The following PRIM2 variants were observed in gnomAD, a reference collection of about 807,000 sequenced individuals.
The protein encoded by PRIM2 is DNA primase subunit 2, also known as DNA primase large subunit.
A neutral mutation model predicts 67.3 loss-of-function variants in PRIM2; 39 were observed. The observed-to-expected ratio is 0.58, with a 90% CI of 0.45 to 0.76. The LOEUF (loss-of-function observed/expected upper bound fraction) is 0.76. Ranked by LOEUF, PRIM2 falls within the 30% of genes least tolerant of loss-of-function variation. The pLI is 0.00. For missense variants in PRIM2, 398 were observed against 598.7 expected, an observed-to-expected ratio of 0.66 and a Z score of 3.50; for synonymous variants, 143 against 198.7, an observed-to-expected ratio of 0.72 and a Z score of 2.36.
chr6:57,359,286 A>G (rs1223567270), intron 5 of PRIM2, among the ~76,000 whole-genome samples: 1 of 152,176 alleles, frequency 6.6e-6, no homozygotes, highest in Non-Finnish European at 1.5e-5. Context: ...CTTGATGGAG[A>G]ATCTGTTCTG....
chr6:57,321,583 C>T (rs926039615), intron 3 of PRIM2, among the ~76,000 whole-genome samples: 5 of 147,630 alleles, frequency 3.4e-5, no homozygotes. Context: ...GGAGCTTTCT[C>T]AGAAGTAGGA....
the PRIM2 span, among the ~76,000 whole-genome samples, chr6:57,233,090 A>G: frequency 6.6e-6 from 1 of 152,264 alleles, no homozygotes; most frequent in East Asian, 1.9e-4. Context: ...TCATGTACCC[A>G]CAGACATGTT....
chr6:57,382,757 T>G (rs1460741840), intron 7 of PRIM2: 1 of 152,192 alleles, frequency 6.6e-6, no homozygotes, highest in African/African-American at 2.4e-5. Context: ...AACACATATT[T>G]TACAGTTGTT....
chr6:57,345,606 G>A (rs1314825882), intron 5 of PRIM2, among the ~76,000 whole-genome samples: 4 of 151,814 alleles, frequency 2.6e-5, no homozygotes, highest in African/African-American at 9.7e-5. Context: ...TTACATTATG[G>A]AATGTAGTTT....
upstream of PRIM2, among the ~76,000 whole-genome samples, chr6:57,315,422 ATTAT>A (rs1767461813): frequency 6.6e-6 from 1 of 152,284 alleles, no homozygotes; most frequent in Middle Eastern, 3.4e-3. Context: ...GAGGGCTATA[ATTAT>A]TTAAAGAACT....
chr6:57,484,523 T>G (rs1317368908), intron 7 of PRIM2, among the ~76,000 whole-genome samples: 1 of 152,228 alleles, frequency 6.6e-6, no homozygotes, highest in East Asian at 1.9e-4. Context: ...TCCAAAAGCA[T>G]GCTCTGGTCC....
chr6:57,428,308 CT>C (rs1192688639), intron 7 of PRIM2, among the ~76,000 whole-genome samples: 1 of 152,278 alleles, frequency 6.6e-6, no homozygotes, highest in Admixed American at 6.5e-5. Context: ...TGCTTTTCCC[CT>C]GACCATCTTA....
intron 7 of PRIM2, chr6:57,390,173 T>G (rs1770284653): frequency 6.5e-6 from 1 of 154,770 alleles, no homozygotes; most frequent in Non-Finnish European, 1.5e-5. Flanking sequence ...TTCTTTACTT[T>G]TAATGGCAAA....
upstream of PRIM2, among the ~76,000 whole-genome samples, chr6:57,310,550 G>C (rs185718093): frequency 2.6e-4 from 40 of 152,358 alleles, no homozygotes; most frequent in East Asian, 7.5e-3. Flanking sequence ...GGCCCGTTCT[G>C]GATGATTGCT....
At chr6:57,540,455 C>T (rs2127471224) in intron 10 of PRIM2, among the ~76,000 whole-genome samples, 1 of 152,280 alleles carries the variant, frequency 6.6e-6, no homozygotes, top group African/African-American at 2.4e-5. Context: ...TTGAAATACA[C>T]AGGTGTGAAC....
chr6:57,350,560 T>C (rs1353858000), intron 5 of PRIM2, among the ~76,000 whole-genome samples: 2 of 152,094 alleles, frequency 1.3e-5, no homozygotes, highest in African/African-American at 4.8e-5. Flanking sequence ...TGGGATGAGA[T>C]GAGTAGGTCG....
At chr6:57,643,405 A>G (rs1264256706) in intron 13 of PRIM2, among the ~76,000 whole-genome samples, 2 of 152,242 alleles carry the variant, frequency 1.3e-5, no homozygotes, top group African/African-American at 4.8e-5. Flanking sequence ...GAAGGCCTGA[A>G]TTTTAATTCA....
At chr6:57,545,827 A>G (rs1775278526) in intron 10 of PRIM2, among the ~76,000 whole-genome samples, 1 of 152,232 alleles carries the variant, frequency 6.6e-6, no homozygotes, top group Admixed American at 6.5e-5. Context: ...AGGGAATTTC[A>G]TGTTAAAGGG....
At chr6:57,546,048 T>C (rs1479501562) in intron 10 of PRIM2, among the ~76,000 whole-genome samples, 2 of 152,182 alleles carry the variant, frequency 1.3e-5, no homozygotes, top group Admixed American at 6.5e-5. Context: ...ATAGGGTCAA[T>C]TGGTAACTGG....
the PRIM2 span, among the ~76,000 whole-genome samples, chr6:57,232,333 A>G: frequency 6.6e-6 from 1 of 152,196 alleles, no homozygotes; most frequent in Non-Finnish European, 1.5e-5. Flanking sequence ...CAGGCGGATC[A>G]TGAGGTCAGG....
At chr6:57,643,148 G>A (rs1397759906) in intron 13 of PRIM2, among the ~76,000 whole-genome samples, 5 of 152,002 alleles carry the variant, frequency 3.3e-5, no homozygotes, top group Non-Finnish European at 7.4e-5. Flanking sequence ...ACCCTATTTT[G>A]TGCACATTGA....
chr6:57,326,820 G>A (rs1724590156), intron 5 of PRIM2, among the ~76,000 whole-genome samples: 1 of 150,528 alleles, frequency 6.6e-6, no homozygotes, highest in African/African-American at 2.4e-5. Context: ...TTTACATATT[G>A]TAATTATATA....
intron 7 of PRIM2, among the ~76,000 whole-genome samples, chr6:57,387,600 T>G (rs1770193480): frequency 6.6e-6 from 1 of 152,108 alleles, no homozygotes; most frequent in Non-Finnish European, 1.5e-5. Flanking sequence ...TGATAAAATA[T>G]TCAAAGGTAA....
chr6:57,288,880 A>C, the PRIM2 span, among the ~76,000 whole-genome samples: 79,403 of 152,002 alleles, frequency 0.52, 21,312 homozygotes, highest in East Asian at 0.64. Flanking sequence ...ATTCCAAAAA[A>C]CAGCACACCT....
Sources: allele counts gnomAD v4.1 joint callset (sites outside exome capture counted in the v4.1 genomes callset), GRCh38; gene constraint gnomAD v4.1.1; transcripts MANE v1.5; gene names NCBI Gene and HGNC (gene_info 2026-07-23, HGNC 2026-07-21).